The following SGF29 variants were observed in gnomAD, a reference collection of about 807,000 sequenced individuals.
SGF29 encodes SAGA complex associated factor 29.
SGF29 carries 15 observed loss-of-function variants against 38.1 expected under a neutral mutation model. The ratio of observed to expected loss-of-function variants is 0.39; its 90% CI spans 0.26 to 0.61. SGF29 has a LOEUF of 0.61. Ranked by LOEUF, SGF29 falls within the 20% of genes least tolerant of loss-of-function variation. The probability of loss-of-function intolerance (pLI) is 0.49; values close to 1 mark genes in which losing one functional copy is unlikely to be tolerated. For missense variants in SGF29, 184 were observed against 394.6 expected (o/e 0.47, Z 4.52); for synonymous variants, 151 against 160.8 (o/e 0.94, Z 0.46).
At chr16:28,554,686 C>T (rs907114549) in intron 1 of SGF29, among the ~76,000 whole-genome samples, 4 of 152,140 alleles carry the variant, frequency 2.6e-5, no homozygotes, top group Non-Finnish European at 5.9e-5. Flanking sequence ...TCCTCGGCTC[C>T]GGTTTGCAGC....
At chr16:28,573,901 G>A (rs1389700420) in intron 1 of SGF29, among the ~76,000 whole-genome samples, 1 of 152,156 alleles carries the variant, frequency 6.6e-6, no homozygotes, top group Non-Finnish European at 1.5e-5. Flanking sequence ...TTGGCCACGT[G>A]GTTGCAGCAC....
At chr16:28,585,776 G>T (rs1384826765) in intron 4 of SGF29, 56 bp downstream of exon 4, 2 of 1,519,902 alleles carry the variant, frequency 1.3e-6, no homozygotes, top group Non-Finnish European at 1.8e-6. Flanking sequence ...GGGCTGGGCT[G>T]CAGGTCCATT....
chr16:28,562,039 C>G (rs1282771737), intron 1 of SGF29, among the ~76,000 whole-genome samples: 1 of 152,186 alleles, frequency 6.6e-6, no homozygotes, highest in African/African-American at 2.4e-5. Context: ...AAGCCACTAC[C>G]CAGTAGGCAA....
intron 4 of SGF29, 53 bp from the exon 5 acceptor site, chr16:28,589,047 T>C: frequency 6.3e-7 from 1 of 1,595,148 alleles, no homozygotes. Context: ...GGAAGAGAAG[T>C]CTATGCTATG....
At chr16:28,558,885 C>T (rs1208377511) in intron 1 of SGF29, among the ~76,000 whole-genome samples, 1 of 151,918 alleles carries the variant, frequency 6.6e-6, no homozygotes, top group Non-Finnish European at 1.5e-5. Context: ...CTGCCAGTGA[C>T]TGAGAGGAGA....
intron 1 of SGF29, among the ~76,000 whole-genome samples, chr16:28,554,834 A>T (rs1193155140): frequency 6.6e-6 from 1 of 152,164 alleles, no homozygotes; most frequent in African/African-American, 2.4e-5. Flanking sequence ...TAGGTGGCCA[A>T]ATGCATTGTT....
chr16:28,564,784 T>TACAC (rs1394106412), intron 1 of SGF29, among the ~76,000 whole-genome samples: 66 of 118,108 alleles, frequency 5.6e-4, no homozygotes, highest in African/African-American at 2.0e-3. Context: ...TATATATATA[T>TACAC]ATACACACAC....
rs186048322 is a variant in SGF29, at chr16:28,591,367, C to T, written c.766-223C>T. 1.5e-3 allele frequency among the ~76,000 whole-genome samples: 228 copies of T among 152,326 alleles called. 1 individual carries two copies. The highest frequency in any genetic ancestry group is 5.1e-3 in the African/African-American group (211 of 41,560). The stretch of plus-strand genomic sequence containing the variant: ...CCCACTAGGAAGGGAGTCAGCACCC[C>T]TACTCCTCCCTGCCTATTCCCTGCC... On this transcript the variant is annotated intron_variant, in intron 9 of 9. Coordinates refer to ENST00000317058, the MANE Select transcript of SGF29 (RefSeq NM_138414.3).
intron 1 of SGF29, among the ~76,000 whole-genome samples, chr16:28,573,212 G>T (rs575811003): frequency 6.6e-5 from 10 of 152,222 alleles, no homozygotes; most frequent in African/African-American, 2.4e-4. Context: ...GGAAGTGGGG[G>T]TGAGGACCTG....
chr16:28,564,069 A>C (rs993182917), intron 1 of SGF29, among the ~76,000 whole-genome samples: 1 of 152,094 alleles, frequency 6.6e-6, no homozygotes, highest in Non-Finnish European at 1.5e-5. Flanking sequence ...CTTTATGAAC[A>C]ACCACATGAG....
intron 1 of SGF29, among the ~76,000 whole-genome samples, chr16:28,565,880 G>A (rs2046833237): frequency 6.6e-6 from 1 of 152,122 alleles, no homozygotes; most frequent in African/African-American, 2.4e-5. Context: ...GGTATGGAGA[G>A]TAAAGTGATC....
At position 28,567,606 on chromosome 16, in the gene SGF29, C is replaced by T. The variant is rs2046842491; in HGVS notation, c.-15-13449C>T. ...TCATACTAGAAAAGGTTTACATTGTCATGAACAAATCATTAAGCACAGGTG... is the reference window on the plus strand; with the variant it reads ...TCATACTAGAAAAGGTTTACATTGTTATGAACAAATCATTAAGCACAGGTG... On this transcript the variant is annotated intron_variant, in intron 1 of 9. Transcript: ENST00000317058. Among the ~76,000 whole-genome samples the T allele has an allele frequency of 2.0e-5, 3 of 152,136 alleles. No homozygotes were observed. In the South Asian group the frequency reaches 6.2e-4, roughly 31 times the overall value.
intron 1 of SGF29, among the ~76,000 whole-genome samples, chr16:28,577,662 A>C (rs535844000): frequency 4.6e-5 from 7 of 151,958 alleles, no homozygotes; most frequent in African/African-American, 1.4e-4. Context: ...TCTCTTTTTT[A>C]TTGTAGGTGT....
At chr16:28,567,671 G>A (rs932657018) in intron 1 of SGF29, among the ~76,000 whole-genome samples, 1 of 152,212 alleles carries the variant, frequency 6.6e-6, no homozygotes, top group Non-Finnish European at 1.5e-5. Context: ...GAAAGCCTCA[G>A]TCTTCTTAGA....
intron 1 of SGF29, among the ~76,000 whole-genome samples, chr16:28,571,250 A>G (rs145626222): frequency 2.0e-5 from 3 of 152,124 alleles, no homozygotes; most frequent in Non-Finnish European, 2.9e-5. Context: ...TGCCGAATCT[A>G]CTGGGGCCTG....
At chr16:28,559,511 G>C (rs2046772969) in intron 1 of SGF29, among the ~76,000 whole-genome samples, 1 of 152,118 alleles carries the variant, frequency 6.6e-6, no homozygotes. Context: ...AGCTTCTCAA[G>C]TAGCTGGGAT....
At chr16:28,575,880 C>T (rs897983641) in intron 1 of SGF29, among the ~76,000 whole-genome samples, 4 of 152,112 alleles carry the variant, frequency 2.6e-5, no homozygotes, top group South Asian at 4.1e-4. Context: ...CATGGTGGCT[C>T]ACACGTGTAA....
intron 1 of SGF29, among the ~76,000 whole-genome samples, chr16:28,577,443 T>C (rs2046900839): frequency 6.6e-6 from 1 of 152,164 alleles, no homozygotes; most frequent in Non-Finnish European, 1.5e-5. Context: ...GATTCGGCTA[T>C]TCTGGATATT....
At chr16:28,561,822 C>A (rs2046791922) in intron 1 of SGF29, among the ~76,000 whole-genome samples, 1 of 152,174 alleles carries the variant, frequency 6.6e-6, no homozygotes, top group Non-Finnish European at 1.5e-5. Context: ...CCTCATCTGG[C>A]CTTCCAATTC....
Sources: gnomAD v4.1 joint callset for allele counts (sites outside exome capture counted in the v4.1 genomes callset) on GRCh38, gnomAD v4.1.1 for gene constraint, MANE v1.5 for transcripts, NCBI Gene and HGNC (gene_info 2026-07-23, HGNC 2026-07-21) for gene names.